The following TRIM4 variants were observed in gnomAD, a reference collection of about 807,000 sequenced individuals.
The protein encoded by TRIM4 is tripartite motif containing 4, also known as E3 ubiquitin-protein ligase TRIM4.
A neutral mutation model predicts 33.7 loss-of-function variants in TRIM4; 29 were observed. That is an observed-to-expected ratio of 0.86 (90% CI 0.64 to 1.17). The LOEUF (loss-of-function observed/expected upper bound fraction) is 1.17. TRIM4 is among the 50% of genes most tolerant of loss of function. The pLI is 0.00. For missense variants in TRIM4, 554 were observed against 593.7 expected (o/e 0.93, Z 0.69); for synonymous variants, 224 against 233.0 (o/e 0.96, Z 0.35).
chr7:99,901,107 T>C (rs1167742656), intron 5 of TRIM4: 7 of 152,210 alleles, frequency 4.6e-5, no homozygotes, highest in Non-Finnish European at 4.4e-5. Context: ...GTCCCACAGG[T>C]CACTGATGCT....
intron 5 of TRIM4, 46 bp downstream of exon 5, chr7:99,903,172 T>C (rs1263975091): frequency 1.4e-6 from 2 of 1,413,644 alleles, no homozygotes; most frequent in South Asian, 2.4e-5. Flanking sequence ...TATTCTCCTA[T>C]TTGAAAGATT....
chr7:99,903,287 G>A lies in TRIM4; in HGVS notation c.772C>T (p.Leu258Phe), dbSNP rs779534019. Residue 258 changes from leucine (L) to phenylalanine (F), a missense_variant, in exon 5 of 6, where the codon CTT becomes TTT. Physicochemically the swap from Leu to Phe is conservative, Grantham distance 22. Around this residue, in one of 3 missense-constraint regions of TRIM4, gnomAD observed 290 missense variants for 335.8 expected, o/e 0.86. Coordinates refer to ENST00000349062, the MANE Select transcript of TRIM4 (RefSeq NM_033091.3). Reference protein sequence around the residue: ...RSEIQDVNYSLEAVKVKTVCQ... With the variant: ...RSEIQDVNYSFEAVKVKTVCQ... The stretch of plus-strand genomic sequence containing the variant: ...ACTGTCTTCACCTTTACAGCTTCAA[G>A]AGAATAGTTCACATCCTGGATCTCA... The A allele has an allele frequency of 3.7e-6, 6 of 1,612,936 alleles. No individual in the cohort carries two copies. In the Admixed American group the frequency reaches 1.0e-4, roughly 27 times the overall value.
At chr7:99,908,255 TTGC>T (rs796833423) in intron 3 of TRIM4, 137 of 209,630 alleles carry the variant, frequency 6.5e-4, no homozygotes, top group African/African-American at 2.9e-3. Flanking sequence ...AGTTTTATGC[TTGC>T]TTTGTTTTAT....
chr7:99,910,764 C>T (rs562935543), intron 1 of TRIM4, among the ~76,000 whole-genome samples: 18 of 152,156 alleles, frequency 1.2e-4, no homozygotes, highest in Admixed American at 7.2e-4. Flanking sequence ...TTTAAAAACC[C>T]GAGTAAGTTA....
At chr7:99,896,089 T>C (rs1369604826) in intron 5 of TRIM4, among the ~76,000 whole-genome samples, 1 of 152,210 alleles carries the variant, frequency 6.6e-6, no homozygotes, top group Non-Finnish European at 1.5e-5. Flanking sequence ...GTTTTCTTCT[T>C]TTTCTGCCTT....
Position 99,892,755 on chromosome 7 carries a change from A to T in TRIM4, c.842-9T>A. ...AGCTAGGTTTACAGCCACTGTGGAG[A>T]AAATGAGAGCTAAGTAGTGCAGCAG... On this transcript the variant is annotated splice_polypyrimidine_tract_variant and intron_variant, in intron 5 of 5. Coordinates refer to ENST00000349062, the MANE Select transcript of TRIM4 (RefSeq NM_033091.3). The T allele has an allele frequency of 6.2e-7, 1 of 1,605,040 alleles. No homozygotes were observed. Among genetic ancestry groups the T allele is most frequent in the Non-Finnish European group, 8.5e-7 (1 of 1,176,738 alleles).
At chr7:99,902,397 A>C (rs1819197052) in intron 5 of TRIM4, among the ~76,000 whole-genome samples, 2 of 152,112 alleles carry the variant, frequency 1.3e-5, no homozygotes, top group East Asian at 3.9e-4. Context: ...ACAGGTGCAC[A>C]CCACTATGCT....
At chr7:99,902,640 A>G (rs1418842453) in intron 5 of TRIM4, among the ~76,000 whole-genome samples, 3 of 152,084 alleles carry the variant, frequency 2.0e-5, no homozygotes, top group Admixed American at 1.3e-4. Context: ...TGGAGATCCA[A>G]TGAGTTTATT....
chr7:99,916,868 A>T, intron 1 of TRIM4: 2 of 742,328 alleles, frequency 2.7e-6, no homozygotes, highest in South Asian at 1.5e-5. Flanking sequence ...CAATCTTTTT[A>T]CTATGGCAAA....
Position 99,891,958 on chromosome 7 carries a change from C to A in TRIM4, c.*205G>T. ...TCCCAAAAGCGTCTTGGAAAATTTC[C>A]TGTCCCATCTCCATTGGCCAGACCC... On this transcript the variant is annotated 3_prime_UTR_variant, in exon 6 of 6. Transcript: ENST00000349062. The A allele has an allele frequency of 2.0e-6, 1 of 498,502 alleles. No individual in the cohort carries two copies. Among genetic ancestry groups the A allele is most frequent in the Non-Finnish European group, 3.5e-6 (1 of 287,250 alleles). The allele number at this position is 498,502 out of a possible 1,614,324, so 30.9% of individuals were successfully genotyped here. A position where few individuals can be genotyped will look rare whatever the true frequency, so the allele number is the denominator to read the frequency against.
intron 3 of TRIM4, among the ~76,000 whole-genome samples, chr7:99,904,134 C>G (rs528118434): frequency 2.0e-5 from 3 of 152,022 alleles, no homozygotes; most frequent in African/African-American, 7.3e-5. Flanking sequence ...ACTATTATAA[C>G]CTTGTTCCTT....
rs770931167 is a variant in TRIM4 at position 99,919,229 on chromosome 7, G to A, written c.173C>T (p.Pro58Leu). 2 of 1,523,096 alleles carry A rather than the reference G, an allele frequency of 1.3e-6. No homozygotes were observed. Among genetic ancestry groups the A allele is most frequent in the Non-Finnish European group, 1.8e-6 (2 of 1,135,816 alleles). The allele number at this position is 1,523,096 out of a possible 1,614,324, so 94.3% of individuals were successfully genotyped here. A position where few individuals can be genotyped will look rare whatever the true frequency, so the allele number is the denominator to read the frequency against. Reference sequence around the variant, plus strand: ...GGCCCAGTTGGGTCGCAGCGCGGCGGGCGCCGATGGGTGCCGACATTCGGG... The same window carrying A: ...GGCCCAGTTGGGTCGCAGCGCGGCGAGCGCCGATGGGTGCCGACATTCGGG... ...PCPECRHPSAPAALRPNWALA... is the reference protein window; with the variant it reads ...PCPECRHPSALAALRPNWALA... Residue 58 changes from proline (P) to leucine (L), a missense_variant, in exon 1 of 6, where the codon CCC becomes CTC. Around this residue, in one of 3 missense-constraint regions of TRIM4, gnomAD observed 233 missense variants for 203.1 expected, o/e 1.15. Transcript: ENST00000349062.
chr7:99,914,800 TTTTTTC>T (rs1819517191), intron 1 of TRIM4, among the ~76,000 whole-genome samples: 1 of 151,818 alleles, frequency 6.6e-6, no homozygotes, highest in African/African-American at 2.4e-5. Context: ...CACTTTTTCT[TTTTTTC>T]TTTTTTTCTT....
At chr7:99,893,524 C>G (rs779252807) in intron 5 of TRIM4, among the ~76,000 whole-genome samples, 6 of 152,192 alleles carry the variant, frequency 3.9e-5, no homozygotes, top group African/African-American at 7.2e-5. Context: ...TCATTCAAAA[C>G]TGAACTAATT....
At chr7:99,893,442 G>A (rs1336689888) in intron 5 of TRIM4, among the ~76,000 whole-genome samples, 1 of 152,098 alleles carries the variant, frequency 6.6e-6, no homozygotes, top group Non-Finnish European at 1.5e-5. Flanking sequence ...GTGTCACATA[G>A]GACAGAATAA....
At position 99,903,290 on chromosome 7, in the gene TRIM4, AATAG is replaced by A. The variant is rs1446426397; in HGVS notation, c.765_768del (p.Tyr256LeufsTer5). 6.2e-7 allele frequency: 1 copy of A among 1,612,366 alleles called. No individual in the cohort carries two copies. The highest frequency in any genetic ancestry group is 1.1e-5 in the South Asian group (1 of 90,984). ...GTCTTCACCTTTACAGCTTCAAGAGAATAGTTCACATCCTGGATCTCACTCCTAA... is the reference window on the plus strand; with the variant it reads ...GTCTTCACCTTTACAGCTTCAAGAGATTCACATCCTGGATCTCACTCCTAA... On this transcript the variant is annotated frameshift_variant, in exon 5 of 6. Coordinates refer to ENST00000349062, the MANE Select transcript of TRIM4 (RefSeq NM_033091.3). LOFTEE classifies it high-confidence loss of function.
chr7:99,914,259 G>C (rs538780813), intron 1 of TRIM4, among the ~76,000 whole-genome samples: 1 of 152,310 alleles, frequency 6.6e-6, no homozygotes, highest in South Asian at 2.1e-4. Flanking sequence ...CTGAGTGCAA[G>C]TGATCCTCTA....
rs116497166 is a variant in TRIM4 at position 99,912,119 on chromosome 7, A to G, written c.394-2459T>C. On this transcript the variant is annotated intron_variant, in intron 1 of 5. Transcript: ENST00000349062. Reference sequence around the variant, plus strand: ...GGAAGGGTGCAGAGAATAACTGGGAAAGGGCATGAAAGAATTCTCTGGATG... The same window carrying G: ...GGAAGGGTGCAGAGAATAACTGGGAGAGGGCATGAAAGAATTCTCTGGATG... Among the ~76,000 whole-genome samples, 1,007 of 152,318 alleles carry G rather than the reference A, an allele frequency of 6.6e-3. 9 individuals carry two copies. Among genetic ancestry groups the G allele is most frequent in the African/African-American group, 0.023 (970 of 41,572 alleles).
At chr7:99,909,133 GGT>G (rs140032652) in intron 2 of TRIM4, among the ~76,000 whole-genome samples, 205 of 148,364 alleles carry the variant, frequency 1.4e-3, no homozygotes, top group Middle Eastern at 3.6e-3. Flanking sequence ...GGAGTGTGAG[GGT>G]GTGTGTGTGT....
Sources: gnomAD v4.1 joint callset for allele counts (sites outside exome capture counted in the v4.1 genomes callset) on GRCh38, gnomAD v4.1.1 for gene constraint, gnomAD v4.1.1 regional missense constraint, MANE v1.5 for transcripts, NCBI Gene and HGNC (gene_info 2026-07-23, HGNC 2026-07-21) for gene names.